ARHGAP27: variants seen among roughly 807,000 people sequenced by gnomAD.
ARHGAP27 encodes the protein Rho GTPase activating protein 27.
In ARHGAP27, 53 loss-of-function variants were observed where a neutral mutation model predicts 102.0. That is an observed-to-expected ratio of 0.52 (90% CI 0.42 to 0.65). The LOEUF (loss-of-function observed/expected upper bound fraction) is 0.65. Among genes scored for constraint, ARHGAP27 ranks in the 30% least tolerant of loss-of-function variants. ARHGAP27 has a pLI of 0.00. For synonymous variants in ARHGAP27, 525 were observed against 542.8 expected (o/e 0.97, Z 0.46); for missense variants, 1,117 against 1,256.2 (o/e 0.89, Z 1.68).
At chr17:45,421,561 C>T (rs1359496625) in intron 4 of ARHGAP27, among the ~76,000 whole-genome samples, 1 of 152,076 alleles carries the variant, frequency 6.6e-6, no homozygotes, top group East Asian at 1.9e-4. Flanking sequence ...CCGGAGTCTA[C>T]AGAGTGACAG....
rs1303204785 is a variant in ARHGAP27 at position 45,394,508 on chromosome 17, C to G, written c.*948G>C. On this transcript the variant is annotated 3_prime_UTR_variant, in exon 20 of 20. Coordinates refer to ENST00000685559, the MANE Select transcript of ARHGAP27 (RefSeq NM_001282290.2). ...ACAGAACAGCTGGGACAGTTTCCCTCTTTGCCTTCAGGGGCCTCCCCAGGT... is the reference window on the plus strand; with the variant it reads ...ACAGAACAGCTGGGACAGTTTCCCTGTTTGCCTTCAGGGGCCTCCCCAGGT... The G allele has an allele frequency of 6.6e-6, 1 of 152,352 alleles. No individual in the cohort carries two copies. The highest frequency in any genetic ancestry group is 1.5e-5 in the Non-Finnish European group (1 of 68,108). 9.4% of individuals were successfully genotyped at this position (152,352 alleles called of 1,614,324 possible).
chr17:45,425,100 AGTCAG>A (rs1453376637), intron 4 of ARHGAP27, among the ~76,000 whole-genome samples: 1 of 152,000 alleles, frequency 6.6e-6, no homozygotes, highest in African/African-American at 2.4e-5. Context: ...CTGTCTCCTA[AGTCAG>A]GTCCTAGGCA....
chr17:45,411,741 T>C (rs1294548147), intron 4 of ARHGAP27, among the ~76,000 whole-genome samples: 1 of 151,870 alleles, frequency 6.6e-6, no homozygotes, highest in Non-Finnish European at 1.5e-5. Context: ...GCCTCATGCT[T>C]ATCACACACC....
chr17:45,394,469 C>G lies in ARHGAP27; in HGVS notation c.*987G>C, dbSNP rs985839974. 6.6e-6 allele frequency: 1 copy of G among 152,358 alleles called. No individual in the cohort carries two copies. Among genetic ancestry groups the G allele is most frequent in the Non-Finnish European group, 1.5e-5 (1 of 68,132 alleles). The allele number at this position is 152,358 out of a possible 1,614,324, so 9.4% of individuals were successfully genotyped here. A position where few individuals can be genotyped will look rare whatever the true frequency, so the allele number is the denominator to read the frequency against. ...CTGGGAGCTCCTGCTAGGGCTATGTCCCCCTCCCCTAGGACAGAACAGCTG... is the reference window on the plus strand; with the variant it reads ...CTGGGAGCTCCTGCTAGGGCTATGTGCCCCTCCCCTAGGACAGAACAGCTG... On this transcript the variant is annotated 3_prime_UTR_variant, in exon 20 of 20. Transcript: ENST00000685559.
At chr17:45,395,911 C>A in intron 18 of ARHGAP27, 62 bp from the exon 19 acceptor site, 1 of 1,561,942 alleles carries the variant, frequency 6.4e-7, no homozygotes, top group South Asian at 1.2e-5. Flanking sequence ...ATCGGCTGGG[C>A]GAGGGGAGCC....
chr17:45,410,998 G>A (rs1236556800), intron 4 of ARHGAP27, among the ~76,000 whole-genome samples: 1 of 152,106 alleles, frequency 6.6e-6, no homozygotes, highest in Non-Finnish European at 1.5e-5. Context: ...CGGTCACCAA[G>A]ATGCATATGC....
chr17:45,397,143 A>C, intron 13 of ARHGAP27, 119 bp from the exon 14 acceptor site: 1 of 1,487,796 alleles, frequency 6.7e-7, no homozygotes. Flanking sequence ...CTCAGCGAAG[A>C]GTCCTCTCTT....
At chr17:45,411,391 C>A (rs961892540) in intron 4 of ARHGAP27, among the ~76,000 whole-genome samples, 1 of 152,022 alleles carries the variant, frequency 6.6e-6, no homozygotes, top group African/African-American at 2.4e-5. Context: ...GGCTCTGACC[C>A]CCACCCTTCC....
At chr17:45,397,831 G>T in intron 13 of ARHGAP27, 118 bp downstream of exon 13, 1 of 816,282 alleles carries the variant, frequency 1.2e-6, no homozygotes, top group Non-Finnish European at 1.8e-6. Flanking sequence ...AGCCATTAGT[G>T]GGGACTGCAT....
intron 4 of ARHGAP27, 98 bp downstream of exon 4, chr17:45,429,525 C>A: frequency 6.5e-7 from 1 of 1,534,362 alleles, no homozygotes; most frequent in Non-Finnish European, 8.7e-7. Context: ...GCGTCGTGCC[C>A]GACGCTGAGC....
In ARHGAP27 at chr17:45,429,728, CG is replaced by C; in HGVS notation, c.551del (p.Ala184GlyfsTer48). On this transcript the variant is annotated frameshift_variant, in exon 4 of 20. Transcript: ENST00000685559. LOFTEE classifies it high-confidence loss of function. ...GAGGCCGCGGGCACACCCAGGAGCC[CG>C]CCACGCTGCAGGCCTTGAAGCTGCC... Reference protein sequence around the residue: ...SSGSFKACSVAGSWVCPRPLA... With the variant: ...SSGSFKACSVXGSWVCPRPLA... The C allele has an allele frequency of 6.5e-7, 1 of 1,543,424 alleles. No individual in the cohort carries two copies. Among genetic ancestry groups the C allele is most frequent in the Non-Finnish European group, 8.7e-7 (1 of 1,144,400 alleles).
In ARHGAP27 at chr17:45,430,079, C is replaced by T. The variant is rs138680001; in HGVS notation, c.201G>A (p.Leu67=). The T allele has an allele frequency of 2.5e-4, 344 of 1,386,048 alleles. 2 individuals carry two copies. The East Asian group carries it at 0.011, about 43-fold the overall frequency. The allele number at this position is 1,386,048 out of a possible 1,614,324, so 85.9% of individuals were successfully genotyped here. ...CGGCGGCAGGGTTGCCCAGCGCGGG[C>T]AGCTCGCGCACGTACTGCGCAGGCA... is the stretch of plus-strand genomic sequence containing the variant. ...FYLPAQYVRE[L]PALGNPAAAA... is the part of the protein sequence containing the mutation. The change falls in exon 4 of 20, where the codon CTG becomes CTA. Residue 67 remains leucine (L), a synonymous_variant. Transcript: ENST00000685559. The surrounding 1 kb of genome is among the most constrained non-coding windows in gnomAD (Gnocchi z 4.4).
chr17:45,405,650 C>A, intron 5 of ARHGAP27, 26 bp downstream of exon 5: 1 of 1,557,258 alleles, frequency 6.4e-7, no homozygotes. Flanking sequence ...AGAGGTAGAA[C>A]CGCCCACTCT....
intron 5 of ARHGAP27, among the ~76,000 whole-genome samples, chr17:45,405,387 G>A (rs2144528601): frequency 6.6e-6 from 1 of 151,644 alleles, no homozygotes; most frequent in East Asian, 1.9e-4. Flanking sequence ...GAAGCGCTTA[G>A]AGGTAGCCCC....
At position 45,396,929 on chromosome 17, in the gene ARHGAP27, C is replaced by T. The variant is rs145583506; in HGVS notation, c.1938G>A (p.Ala646=). ...CCTTGCGCACACCTGCATTCGGTCG[C>T]GCGTCCTCCTCTTTCTCCTGCCAGC... is the stretch of plus-strand genomic sequence containing the variant. ...LGSWQEKEED[A]RPNAAAPALG... The change falls in exon 14 of 20, where the codon GCG becomes GCA. Residue 646 remains alanine (A), a synonymous_variant. Transcript: ENST00000685559. The T allele has an allele frequency of 1.3e-4, 201 of 1,606,390 alleles. No homozygotes were observed. The African/African-American group carries it at 1.6e-3, about 13-fold the overall frequency.
intron 12 of ARHGAP27, chr17:45,401,664 T>C (rs1045304191): frequency 6.6e-6 from 1 of 152,240 alleles, no homozygotes; most frequent in African/African-American, 2.4e-5. Flanking sequence ...CCCATGTTCA[T>C]GGAGCTACAT....
chr17:45,432,000 T>A (rs1321264186), intron 2 of ARHGAP27, among the ~76,000 whole-genome samples: 9 of 97,654 alleles, frequency 9.2e-5, no homozygotes, highest in African/African-American at 3.5e-4. Context: ...CTTCCCCCTC[T>A]ATTCCCCGCC....
At chr17:45,431,096 G>A (rs2050033429) in intron 3 of ARHGAP27, among the ~76,000 whole-genome samples, 1 of 148,510 alleles carries the variant, frequency 6.7e-6, no homozygotes, top group African/African-American at 2.5e-5. Context: ...CTGTCCACCT[G>A]CCCTGTGACC....
intron 4 of ARHGAP27, among the ~76,000 whole-genome samples, chr17:45,424,404 A>G (rs1333112182): frequency 6.6e-6 from 1 of 152,224 alleles, no homozygotes; most frequent in East Asian, 1.9e-4. Flanking sequence ...CCAGCTCCCA[A>G]TCTCCCTAAC....
Sources: allele counts gnomAD v4.1 joint callset (sites outside exome capture counted in the v4.1 genomes callset), GRCh38; gene constraint gnomAD v4.1.1; non-coding constraint Gnocchi (gnomAD v3.1); transcripts MANE v1.5; gene names NCBI Gene and HGNC (gene_info 2026-07-23, HGNC 2026-07-21).